Variants in OSBPL7 observed in about 807,000 individuals in gnomAD.
OSBPL7 encodes the protein oxysterol-binding protein-related protein 7.
In OSBPL7, 66 loss-of-function variants were observed where a neutral mutation model predicts 115.8. The observed-to-expected ratio is 0.57, with a 90% confidence interval of 0.47 to 0.70. The LOEUF is 0.70. OSBPL7 is among the 30% of genes least tolerant of loss of function. OSBPL7 has a pLI of 0.00. For synonymous variants in OSBPL7, 441 were observed against 439.2 expected (o/e 1.00, Z -0.05); for missense variants, 902 against 1,125.5 (o/e 0.80, Z 2.84).
Position 47,820,324 on chromosome 17 carries a change from C to G in OSBPL7, c.-46G>C. 6.3e-7 allele frequency: 1 copy of G among 1,578,110 alleles called. No individual in the cohort carries two copies. The highest frequency in any genetic ancestry group is 8.7e-7 in the Non-Finnish European group (1 of 1,155,430). ...CCTGCTGGGGATGTAGAGCAGGGAG[C>G]AGGGTGGAAGGGGAAGGATGTCACC... On this transcript the variant is annotated 5_prime_UTR_variant, in exon 2 of 23. Coordinates refer to ENST00000007414, the MANE Select transcript of OSBPL7 (RefSeq NM_145798.3).
At chr17:47,810,446 G>T in intron 18 of OSBPL7, 148 bp downstream of exon 18, 1 of 665,688 alleles carries the variant, frequency 1.5e-6, no homozygotes, top group Non-Finnish European at 2.7e-6. Flanking sequence ...AAATATAGGT[G>T]TAAAACCTAC....
chr17:47,814,471 GT>G, intron 14 of OSBPL7, 49 bp downstream of exon 14: 2 of 1,520,358 alleles, frequency 1.3e-6, no homozygotes. Context: ...GACAAACCCT[GT>G]TTTTCCACCC....
Position 47,816,486 on chromosome 17 carries a change from C to T in OSBPL7, c.929-4G>A, listed in dbSNP as rs1408152775. On this transcript the variant is annotated splice_region_variant and splice_polypyrimidine_tract_variant and intron_variant, in intron 10 of 22. Transcript: ENST00000007414. This position sits in a 1 kb window ranked among gnomAD's most constrained non-coding sequence, Gnocchi z 5.8. ...ACGCTGCTGAGGGAGCTGTGCACTA[C>T]AGGGAGTGGGGCAGACCATCAGAGT... The T allele has an allele frequency of 3.9e-6, 6 of 1,548,020 alleles. No homozygotes were observed. Among genetic ancestry groups the T allele is most frequent in the Admixed American group, 2.0e-5 (1 of 50,636 alleles).
rs2032912657 is a variant in OSBPL7 at position 47,808,125 on chromosome 17, G to A, written c.*166C>T. ...ACCCCAAACGGTGGGGTTGGGGGTGGGCTGAGATGCAGACCCTCTGGCCAG... is the reference window on the plus strand; with the variant it reads ...ACCCCAAACGGTGGGGTTGGGGGTGAGCTGAGATGCAGACCCTCTGGCCAG... On this transcript the variant is annotated 3_prime_UTR_variant, in exon 23 of 23. Coordinates refer to ENST00000007414, the MANE Select transcript of OSBPL7 (RefSeq NM_145798.3). This position sits in a 1 kb window ranked among gnomAD's most constrained non-coding sequence, Gnocchi z 6.1. 1.7e-6 allele frequency: 1 copy of A among 605,346 alleles called. No homozygotes were observed. The highest frequency in any genetic ancestry group is 1.9e-5 in the African/African-American group (1 of 53,944). The allele number at this position is 605,346 out of a possible 1,614,324, so 37.5% of individuals were successfully genotyped here. A position where few individuals can be genotyped will look rare whatever the true frequency, so the allele number is the denominator to read the frequency against.
chr17:47,808,142 T>C lies in OSBPL7; in HGVS notation c.*149A>G, dbSNP rs2032913602. 3.2e-6 allele frequency: 2 copies of C among 630,044 alleles called. No homozygotes were observed. The highest frequency in any genetic ancestry group is 3.8e-5 in the South Asian group (2 of 53,038). The allele number at this position is 630,044 out of a possible 1,614,324, so 39.0% of individuals were successfully genotyped here. On this transcript the variant is annotated 3_prime_UTR_variant, in exon 23 of 23. Coordinates refer to ENST00000007414, the MANE Select transcript of OSBPL7 (RefSeq NM_145798.3). This position sits in a 1 kb window ranked among gnomAD's most constrained non-coding sequence, Gnocchi z 6.1. ...TGGGGGTGGGCTGAGATGCAGACCC[T>C]CTGGCCAGCAGAGGGGAGGGAGGGC...
rs1295812175 is a variant in OSBPL7, at chr17:47,813,299, C to T, written c.1704G>A (p.Arg568=). 3.1e-6 allele frequency: 5 copies of T among 1,613,934 alleles called. No homozygotes were observed. Among genetic ancestry groups the T allele is most frequent in the Non-Finnish European group, 4.2e-6 (5 of 1,180,024 alleles). Residue 568 remains arginine, a synonymous_variant, in exon 16 of 23, where the codon CGG becomes CGA. Coordinates refer to ENST00000007414, the MANE Select transcript of OSBPL7 (RefSeq NM_145798.3). The part of the protein sequence containing the change: ...PVLGETYECE[R]PDRGFRFISE... ...TGATGAAGCGGAAGCCTCGGTCAGGCCGCTCACACTCGTAGGTCTCCCCCA... is the reference window on the plus strand; with the variant it reads ...TGATGAAGCGGAAGCCTCGGTCAGGTCGCTCACACTCGTAGGTCTCCCCCA...
chr17:47,813,253 C>T lies in OSBPL7; in HGVS notation c.1737+13G>A. ...AGACACCCAAGGCCAGCCCTCTTCT[C>T]CCAAGGCCATACCTGCTCACTGATG... On this transcript the variant is annotated intron_variant, in intron 16 of 22. Coordinates refer to ENST00000007414, the MANE Select transcript of OSBPL7 (RefSeq NM_145798.3). 1 of 1,613,698 alleles carries T rather than the reference C, an allele frequency of 6.2e-7. No homozygotes were observed. Among genetic ancestry groups the T allele is most frequent in the Non-Finnish European group, 8.5e-7 (1 of 1,179,936 alleles).
Position 47,809,236 on chromosome 17 carries a change from C to G in OSBPL7, c.2026-16G>C, listed in dbSNP as rs776981156. The G allele has an allele frequency of 1.2e-6, 2 of 1,613,820 alleles. No homozygotes were observed. The highest frequency in any genetic ancestry group is 2.7e-5 in the African/African-American group (2 of 74,946). Reference sequence around the variant, plus strand: ...AGTACTTGGCCTGGGGTGGGGAAGGCAGGGTTTAGGGAGGTGTCCCCTCCC... The same window carrying G: ...AGTACTTGGCCTGGGGTGGGGAAGGGAGGGTTTAGGGAGGTGTCCCCTCCC... On this transcript the variant is annotated splice_polypyrimidine_tract_variant and intron_variant, in intron 19 of 22. Coordinates refer to ENST00000007414, the MANE Select transcript of OSBPL7 (RefSeq NM_145798.3).
At chr17:47,815,943 C>A in intron 12 of OSBPL7, 164 bp downstream of exon 12, 1 of 587,342 alleles carries the variant, frequency 1.7e-6, no homozygotes, top group Non-Finnish European at 3.0e-6. Context: ...ACACAATGAT[C>A]GAGATGGGGC....
Position 47,813,407 on chromosome 17 carries a change from T to TG in OSBPL7, c.1600-5dup. 4 of 1,613,522 alleles carry TG rather than the reference T, an allele frequency of 2.5e-6. 1 individual carries two copies. The highest frequency in any genetic ancestry group is 2.2e-5 in the South Asian group (2 of 91,052). ...CAGCAAAGGCTGCGATGTACACCTG[T>TG]GGGGGGCAAGGAAGGTGCAGGGTAC... On this transcript the variant is annotated splice_polypyrimidine_tract_variant and splice_region_variant and intron_variant, in intron 15 of 22. Coordinates refer to ENST00000007414, the MANE Select transcript of OSBPL7 (RefSeq NM_145798.3).
chr17:47,814,448 G>T (rs1287024391), intron 14 of OSBPL7, 73 bp downstream of exon 14: 2 of 1,421,930 alleles, frequency 1.4e-6, no homozygotes, highest in Non-Finnish European at 2.0e-6. Context: ...CCTTTGCATG[G>T]GCCTGGGCCA....
At chr17:47,811,084 C>G (rs781076740) in intron 16 of OSBPL7, among the ~76,000 whole-genome samples, 18 of 152,078 alleles carry the variant, frequency 1.2e-4, no homozygotes, top group Admixed American at 2.0e-4. Context: ...ATGGCGTCCT[C>G]CAGAACCCCT....
Position 47,817,284 on chromosome 17 carries a change from G to A in OSBPL7, c.674C>T (p.Pro225Leu), listed in dbSNP as rs2033253009. The change falls in exon 8 of 23, where the codon CCC (proline) becomes CTC (leucine). Residue 225 changes from proline (P) to leucine (L), a missense_variant. Pro to Leu is a moderately conservative substitution (Grantham distance 98). Around this residue, in one of 3 missense-constraint regions of OSBPL7, gnomAD observed 667 missense variants for 788.7 expected, o/e 0.85. Coordinates refer to ENST00000007414, the MANE Select transcript of OSBPL7 (RefSeq NM_145798.3). ...LQSLESLHRI[P>L]SAPVIPTHQA... ...GTGTGTGGGGATAACAGGGGCTGAGGGGATTCGGTGCAGGGACTCCAGGCT... is the reference window on the plus strand; with the variant it reads ...GTGTGTGGGGATAACAGGGGCTGAGAGGATTCGGTGCAGGGACTCCAGGCT... 3 of 1,601,664 alleles carry A rather than the reference G, an allele frequency of 1.9e-6. No individual in the cohort carries two copies. The highest frequency in any genetic ancestry group is 1.4e-5 in the African/African-American group (1 of 73,888).
chr17:47,815,901 G>A (rs1016173343), intron 12 of OSBPL7: 4 of 511,812 alleles, frequency 7.8e-6, no homozygotes, highest in East Asian at 3.3e-5. Flanking sequence ...AGAGGACCCC[G>A]AATTAAAAGT....
At chr17:47,817,544 C>A (rs1567944201) in intron 7 of OSBPL7, among the ~76,000 whole-genome samples, 185 bp from the exon 8 acceptor site, 5 of 152,242 alleles carry the variant, frequency 3.3e-5, no homozygotes, top group African/African-American at 1.2e-4. Flanking sequence ...TGCGCACCAC[C>A]ATGCCTGGCT....
chr17:47,817,854 C>A (rs1404417309), intron 7 of OSBPL7, among the ~76,000 whole-genome samples: 5 of 152,166 alleles, frequency 3.3e-5, no homozygotes, highest in Non-Finnish European at 5.9e-5. Context: ...CATGCCTCAC[C>A]TTTGCTGCCT....
intron 8 of OSBPL7, 156 bp downstream of exon 8, chr17:47,817,100 T>C: frequency 1.4e-6 from 1 of 707,840 alleles, no homozygotes; most frequent in East Asian, 2.7e-5. Context: ...GAGACAATCT[T>C]GATACAGTTT....
At chr17:47,814,802 C>T (rs559915247) in intron 13 of OSBPL7, 188 bp from the exon 14 acceptor site, 2 of 609,448 alleles carry the variant, frequency 3.3e-6, no homozygotes, top group South Asian at 4.1e-5. Flanking sequence ...GCCCAGCCAC[C>T]TTGGGAAGGG....
intron 7 of OSBPL7, among the ~76,000 whole-genome samples, chr17:47,817,856 T>C (rs1452130197): frequency 6.6e-6 from 1 of 152,176 alleles, no homozygotes; most frequent in Non-Finnish European, 1.5e-5. Flanking sequence ...TGCCTCACCT[T>C]TGCTGCCTTT....
Sources: gnomAD v4.1 joint callset for allele counts (sites outside exome capture counted in the v4.1 genomes callset) on GRCh38, gnomAD v4.1.1 for gene constraint, gnomAD v4.1.1 regional missense constraint, Gnocchi (gnomAD v3.1) non-coding constraint, MANE v1.5 for transcripts, NCBI Gene and HGNC (gene_info 2026-07-23, HGNC 2026-07-21) for gene names.